EXOC2: variants seen among roughly 807,000 people sequenced by gnomAD.
The protein encoded by EXOC2 is exocyst complex component 2.
A neutral mutation model predicts 131.8 loss-of-function variants in EXOC2; 70 were observed. The observed-to-expected ratio is 0.53, with a 90% CI of 0.44 to 0.65. EXOC2 has a LOEUF of 0.65. Among genes scored for constraint, EXOC2 ranks in the 30% least tolerant of loss-of-function variants. EXOC2 has a pLI of 0.00. For missense variants in EXOC2, 923 were observed against 1,108.6 expected, an observed-to-expected ratio of 0.83 and a Z score of 2.38; for synonymous variants, 411 against 398.4, an observed-to-expected ratio of 1.03 and a Z score of -0.38.
intron 24 of EXOC2, 44 bp downstream of exon 24, chr6:499,601 T>G: frequency 6.6e-7 from 1 of 1,518,140 alleles, no homozygotes; most frequent in Non-Finnish European, 9.0e-7. Flanking sequence ...TTTTTCTTTT[T>G]TTTGGTTATC....
rs139125237 is a variant in EXOC2, at chr6:562,580, C to T, written c.1851+204G>A. ...TTATACAGGATGAAAAAGGTCAAGTCTAAAAGAAACGCATTGTTCTCATTA... is the reference window on the plus strand; with the variant it reads ...TTATACAGGATGAAAAAGGTCAAGTTTAAAAGAAACGCATTGTTCTCATTA... On this transcript the variant is annotated intron_variant, in intron 17 of 27. Coordinates refer to ENST00000230449, the MANE Select transcript of EXOC2 (RefSeq NM_018303.6). Among the ~76,000 whole-genome samples, 916 of 152,308 alleles carry T rather than the reference C, an allele frequency of 6.0e-3. 6 individuals carry two copies. The highest frequency in any genetic ancestry group is 8.9e-3 in the Non-Finnish European group (608 of 68,020).
chr6:617,159 T>C (rs1761056216), intron 6 of EXOC2, among the ~76,000 whole-genome samples: 1 of 152,168 alleles, frequency 6.6e-6, no homozygotes, highest in Admixed American at 6.5e-5. Context: ...ATAATTAAAC[T>C]TTCATTAATT....
At chr6:669,213 C>T (rs1414313811) in intron 1 of EXOC2, 3 of 152,286 alleles carry the variant, frequency 2.0e-5, no homozygotes, top group Non-Finnish European at 2.9e-5. Context: ...CAGCTACATG[C>T]CAGATCTTCC....
chr6:651,531 G>A (rs1561972580), intron 1 of EXOC2, among the ~76,000 whole-genome samples: 2 of 151,982 alleles, frequency 1.3e-5, no homozygotes, highest in African/African-American at 4.8e-5. Flanking sequence ...GTGGGCACCT[G>A]TAATCCCAGC....
At chr6:587,157 T>C (rs988419785) in intron 11 of EXOC2, among the ~76,000 whole-genome samples, 1 of 152,044 alleles carries the variant, frequency 6.6e-6, no homozygotes, top group Non-Finnish European at 1.5e-5. Flanking sequence ...CCAGCAAACT[T>C]ATAATTAAGG....
chr6:675,343 G>C (rs1378094762), intron 1 of EXOC2, among the ~76,000 whole-genome samples: 1 of 152,172 alleles, frequency 6.6e-6, no homozygotes, highest in African/African-American at 2.4e-5. Flanking sequence ...GTACTTTAGG[G>C]GGAACTGGCC....
In EXOC2 at chr6:623,912, T is replaced by A. The variant is rs1581578907; in HGVS notation, c.423-4369A>T. Among the ~76,000 whole-genome samples, 3 of 152,206 alleles carry A rather than the reference T, an allele frequency of 2.0e-5. No homozygotes were observed. The East Asian group carries it at 5.8e-4, about 29-fold the overall frequency. On this transcript the variant is annotated intron_variant, in intron 4 of 27. Transcript: ENST00000230449. Reference sequence around the variant, plus strand: ...ATTGCTAAGGAAATGTGTTTTATGCTAAGGGCAACAGAACAGCCAGCAAAC... The same window carrying A: ...ATTGCTAAGGAAATGTGTTTTATGCAAAGGGCAACAGAACAGCCAGCAAAC...
At chr6:675,285 G>A (rs1302445275) in intron 1 of EXOC2, among the ~76,000 whole-genome samples, 1 of 152,226 alleles carries the variant, frequency 6.6e-6, no homozygotes, top group Non-Finnish European at 1.5e-5. Context: ...CAGGCTGGGG[G>A]TGGAGGAAAG....
At chr6:591,509 G>A (rs556837038) in intron 11 of EXOC2, among the ~76,000 whole-genome samples, 2 of 152,020 alleles carry the variant, frequency 1.3e-5, no homozygotes, top group Non-Finnish European at 2.9e-5. Flanking sequence ...GATCTCAAAA[G>A]AGATGTCACT....
At chr6:540,246 C>T (rs1239830013) in intron 22 of EXOC2, among the ~76,000 whole-genome samples, 1 of 152,192 alleles carries the variant, frequency 6.6e-6, no homozygotes, top group Non-Finnish European at 1.5e-5. Flanking sequence ...GGAGCCACCA[C>T]ACCCAGCCAG....
intron 11 of EXOC2, among the ~76,000 whole-genome samples, chr6:590,098 A>G (rs987116088): frequency 2.7e-5 from 4 of 147,428 alleles, no homozygotes; most frequent in African/African-American, 9.9e-5. Flanking sequence ...CTGGGCGACA[A>G]AGCGAGACTC....
At position 629,884 on chromosome 6, in the gene EXOC2, G is replaced by A. The variant is rs767900663; in HGVS notation, c.373C>T (p.Pro125Ser). 6 of 1,614,088 alleles carry A rather than the reference G, an allele frequency of 3.7e-6. No individual in the cohort carries two copies. The highest frequency in any genetic ancestry group is 2.2e-5 in the South Asian group (2 of 91,078). Reference protein sequence around the residue: ...DMRTDRNKGIPPLSLRPANPL... With the variant: ...DMRTDRNKGISPLSLRPANPL... ...TTAGCAGGACGTAAGGACAAGGGCG[G>A]AATTCCTTTGTTCCTGTCAGTGCGC... Residue 125 changes from proline (P) to serine (S), a missense_variant, in exon 4 of 28, where the codon CCG (proline) becomes TCG (serine). Transcript: ENST00000230449.
intron 1 of EXOC2, among the ~76,000 whole-genome samples, chr6:660,416 TG>T (rs926206624): frequency 3.9e-5 from 6 of 152,112 alleles, no homozygotes; most frequent in Non-Finnish European, 4.4e-5. Context: ...CCACCTCCAC[TG>T]GAACAGGCGC....
At chr6:562,642 GTC>G (rs1757760210) in intron 17 of EXOC2, 140 bp downstream of exon 17, 1 of 491,672 alleles carries the variant, frequency 2.0e-6, no homozygotes, top group Admixed American at 4.2e-5. Context: ...AAGCAAAAAT[GTC>G]TCTGAGAAGA....
At chr6:509,666 C>T (rs192434766) in intron 23 of EXOC2, among the ~76,000 whole-genome samples, 3 of 152,200 alleles carry the variant, frequency 2.0e-5, no homozygotes, top group African/African-American at 4.8e-5. Context: ...AGAGGAAGAA[C>T]GTGTTGTAAT....
intron 1 of EXOC2, among the ~76,000 whole-genome samples, chr6:658,005 T>C (rs757055242): frequency 2.6e-5 from 4 of 152,222 alleles, no homozygotes; most frequent in Admixed American, 6.5e-5. Context: ...ATTGACCTTT[T>C]CTCTACTACT....
intron 1 of EXOC2, among the ~76,000 whole-genome samples, chr6:683,442 A>G (rs1468643602): frequency 6.6e-6 from 1 of 152,254 alleles, no homozygotes; most frequent in African/African-American, 2.4e-5. Flanking sequence ...CTACATAAAA[A>G]CAAAGTTTCA....
At chr6:491,569 G>C (rs1401588255) in intron 25 of EXOC2, among the ~76,000 whole-genome samples, 1 of 152,282 alleles carries the variant, frequency 6.6e-6, no homozygotes, top group Non-Finnish European at 1.5e-5. Flanking sequence ...GTGTCCCACA[G>C]AGGTAAGGAT....
chr6:688,899 T>C (rs947409482), intron 1 of EXOC2, among the ~76,000 whole-genome samples: 3 of 152,218 alleles, frequency 2.0e-5, no homozygotes, highest in African/African-American at 7.2e-5. Flanking sequence ...TTTGCTAAAA[T>C]TATAATACAA....
Sources: allele counts gnomAD v4.1 joint callset (sites outside exome capture counted in the v4.1 genomes callset), GRCh38; gene constraint gnomAD v4.1.1; transcripts MANE v1.5; gene names NCBI Gene and HGNC (gene_info 2026-07-23, HGNC 2026-07-21).